Variants in SLC9B2 observed in about 807,000 individuals in gnomAD.
The protein encoded by SLC9B2 is sodium/hydrogen exchanger 9B2.
Under a neutral mutation model 52.2 loss-of-function variants are expected in SLC9B2, and 39 were observed. The observed-to-expected ratio is 0.75, with a 90% CI of 0.58 to 0.98. The LOEUF (loss-of-function observed/expected upper bound fraction) is 0.98, where lower values mean the gene tolerates loss of function less well. SLC9B2 is among the 50% of genes least tolerant of loss of function. The pLI is 0.00. For synonymous variants in SLC9B2, 214 were observed against 227.0 expected, an observed-to-expected ratio of 0.94 and a Z score of 0.51; for missense variants, 626 against 637.5, an observed-to-expected ratio of 0.98 and a Z score of 0.19.
At chr4:103,018,705 T>C (rs1475573482), downstream of SLC9B2, among the ~76,000 whole-genome samples, 1 of 152,138 alleles carries the variant, frequency 6.6e-6, no homozygotes, top group Non-Finnish European at 1.5e-5. Flanking sequence ...GAAGAGCTCT[T>C]GTAACACTAC....
At chr4:103,039,426 G>A (rs1242795707) in intron 9 of SLC9B2, among the ~76,000 whole-genome samples, 1 of 152,066 alleles carries the variant, frequency 6.6e-6, no homozygotes, top group East Asian at 1.9e-4. Context: ...TGTTGAGACT[G>A]GCCTGAGGAG....
intron 5 of SLC9B2, among the ~76,000 whole-genome samples, chr4:103,049,224 T>C (rs2110618017): frequency 6.6e-6 from 1 of 152,292 alleles, no homozygotes. Context: ...ATAAGATAGG[T>C]AATACTATTA....
At chr4:103,059,735 C>T (rs1185989566) in intron 3 of SLC9B2, among the ~76,000 whole-genome samples, 1 of 152,162 alleles carries the variant, frequency 6.6e-6, no homozygotes, top group Non-Finnish European at 1.5e-5. Flanking sequence ...CTGCAAATTC[C>T]ATACACTCTA....
intron 9 of SLC9B2, among the ~76,000 whole-genome samples, chr4:103,039,018 C>T (rs1743404574): frequency 6.6e-6 from 1 of 152,154 alleles, no homozygotes; most frequent in Non-Finnish European, 1.5e-5. Flanking sequence ...TGCTACAGCC[C>T]TGTAGAATTT....
intron 3 of SLC9B2, among the ~76,000 whole-genome samples, chr4:103,058,471 C>T (rs1745348986): frequency 1.3e-5 from 2 of 152,352 alleles, no homozygotes; most frequent in South Asian, 4.1e-4. Flanking sequence ...AATCATGGCT[C>T]ACTACAGCCT....
At chr4:103,021,072 A>G (rs1002843606), downstream of SLC9B2, among the ~76,000 whole-genome samples, 2 of 152,194 alleles carry the variant, frequency 1.3e-5, no homozygotes, top group East Asian at 1.9e-4. Context: ...ATGAAAAGGA[A>G]ATGTTTTGTA....
At chr4:103,018,833 A>G (rs1417845557), downstream of SLC9B2, among the ~76,000 whole-genome samples, 1 of 152,330 alleles carries the variant, frequency 6.6e-6, no homozygotes, top group African/African-American at 2.4e-5. Flanking sequence ...GTGGCCTATT[A>G]GGAACAGGCC....
downstream of SLC9B2, chr4:103,019,776 G>C (rs1028982757): frequency 5.1e-6 from 5 of 985,524 alleles, no homozygotes; most frequent in Middle Eastern, 5.2e-4. Context: ...CGTCTTGGCT[G>C]TCCGCGCCGG....
At chr4:103,060,439 TCTTAA>T (rs1164654091) in intron 3 of SLC9B2, among the ~76,000 whole-genome samples, 3 of 151,936 alleles carry the variant, frequency 2.0e-5, no homozygotes, top group Non-Finnish European at 2.9e-5. Flanking sequence ...GTTTTCTAAT[TCTTAA>T]CTTCTTTATA....
intron 1 of SLC9B2, among the ~76,000 whole-genome samples, chr4:103,071,489 A>G (rs1205742806): frequency 1.3e-5 from 2 of 150,562 alleles, no homozygotes; most frequent in Non-Finnish European, 2.9e-5. Flanking sequence ...GGTTCAAGTG[A>G]TTCTCCTGCC....
intron 4 of SLC9B2, among the ~76,000 whole-genome samples, chr4:103,052,981 C>A (rs1339509065): frequency 6.6e-6 from 1 of 152,152 alleles, no homozygotes. Flanking sequence ...CCACTCTTGC[C>A]TCTAGGGCCT....
chr4:103,050,386 G>C lies in SLC9B2; in HGVS notation c.443-4C>G. Reference sequence around the variant, plus strand: ...AGAAACCCTGCAAGCAGCATGCCTTGAACGAAGAAATCAAACATATCTAGT... The same window carrying C: ...AGAAACCCTGCAAGCAGCATGCCTTCAACGAAGAAATCAAACATATCTAGT... On this transcript the variant is annotated splice_region_variant and splice_polypyrimidine_tract_variant and intron_variant, in intron 4 of 11. Coordinates refer to ENST00000394785, the MANE Select transcript of SLC9B2 (RefSeq NM_178833.7). 9 of 1,571,814 alleles carry C rather than the reference G, an allele frequency of 5.7e-6. No homozygotes were observed. The highest frequency in any genetic ancestry group is 1.4e-5 in the African/African-American group (1 of 72,558).
At chr4:103,031,905 T>TA in intron 9 of SLC9B2, 97 bp from the exon 10 acceptor site, 1 of 1,215,320 alleles carries the variant, frequency 8.2e-7, no homozygotes, top group Non-Finnish European at 1.2e-6. Flanking sequence ...TGGCCTGAGA[T>TA]AAGCTTTATT....
At chr4:103,027,763 A>G (rs1422891434) in intron 11 of SLC9B2, among the ~76,000 whole-genome samples, 1 of 151,922 alleles carries the variant, frequency 6.6e-6, no homozygotes, top group Non-Finnish European at 1.5e-5. Context: ...TTTTTATAGA[A>G]CTCTTAGCCA....
intron 1 of SLC9B2, among the ~76,000 whole-genome samples, chr4:103,070,053 A>G (rs74712160): frequency 0.016 from 2,454 of 152,338 alleles, 73 homozygotes; most frequent in African/African-American, 0.055. Context: ...ATGCCAAAGT[A>G]CTTATACATG....
chr4:103,044,911 C>T lies in SLC9B2; in HGVS notation c.975G>A (p.Gln325=). The T allele has an allele frequency of 1.2e-6, 2 of 1,613,644 alleles. No homozygotes were observed. Among genetic ancestry groups the T allele is most frequent in the South Asian group, 1.1e-5 (1 of 91,062 alleles). The change falls in exon 8 of 12, where the codon CAG becomes CAA. Residue 325 remains glutamine, a synonymous_variant. Coordinates refer to ENST00000394785, the MANE Select transcript of SLC9B2 (RefSeq NM_178833.7). ...TCACCTGGTCACGGCTTGGAAAGTA[C>T]TGAATGAAAAATCCAAGAACAGATC... is the stretch of plus-strand genomic sequence containing the variant. ...ATGSVLGFFI[Q]YFPSRDQDKL...
At chr4:103,035,408 T>C (rs1170225789) in intron 9 of SLC9B2, among the ~76,000 whole-genome samples, 2 of 152,204 alleles carry the variant, frequency 1.3e-5, no homozygotes, top group East Asian at 3.8e-4. Context: ...GTTGATTTCA[T>C]GTCTTTACTA....
At chr4:103,028,656 T>C (rs1253410116) in intron 11 of SLC9B2, 91 bp downstream of exon 11, 35 of 1,403,686 alleles carry the variant, frequency 2.5e-5, no homozygotes, top group Non-Finnish European at 3.2e-5. Context: ...TTATTTATTT[T>C]CACTAAATTT....
At chr4:103,055,508 A>C (rs1309848785) in intron 4 of SLC9B2, among the ~76,000 whole-genome samples, 2 of 152,220 alleles carry the variant, frequency 1.3e-5, no homozygotes, top group African/African-American at 4.8e-5. Flanking sequence ...CTAAAATTAG[A>C]AATACATTGA....
Sources: gnomAD v4.1 joint callset for allele counts (sites outside exome capture counted in the v4.1 genomes callset) on GRCh38, gnomAD v4.1.1 for gene constraint, MANE v1.5 for transcripts, NCBI Gene and HGNC (gene_info 2026-07-23, HGNC 2026-07-21) for gene names.